LMBRD1: variants seen among roughly 807,000 people sequenced by gnomAD.
LMBRD1 encodes the protein LMBR1 domain containing 1, also known as lysosomal cobalamin transport escort protein LMBD1.
In LMBRD1, 64 loss-of-function variants were observed where a neutral mutation model predicts 74.8. The observed-to-expected ratio is 0.86, with a 90% CI of 0.70 to 1.05. The LOEUF is 1.05. Among genes scored for constraint, LMBRD1 ranks in the 50% least tolerant of loss-of-function variants. The pLI is 0.00. For synonymous variants in LMBRD1, 204 were observed against 216.3 expected (o/e 0.94, Z 0.50); for missense variants, 652 against 645.9 (o/e 1.01, Z -0.10).
intron 3 of LMBRD1, among the ~76,000 whole-genome samples, chr6:69,760,287 TATAA>T (rs1162861371): frequency 1.3e-5 from 2 of 152,192 alleles, no homozygotes; most frequent in East Asian, 3.9e-4. Flanking sequence ...CAATAATCTG[TATAA>T]ATGTCTAGAA....
intron 14 of LMBRD1, among the ~76,000 whole-genome samples, chr6:69,679,038 T>TA (rs1765605727): frequency 8.7e-6 from 1 of 114,440 alleles, no homozygotes; most frequent in African/African-American, 2.9e-5. Flanking sequence ...TCTTTCTGGT[T>TA]AAAACAAAAA....
intron 5 of LMBRD1, among the ~76,000 whole-genome samples, chr6:69,747,699 G>A (rs569728849): frequency 2.6e-5 from 4 of 152,196 alleles, no homozygotes; most frequent in African/African-American, 9.6e-5. Flanking sequence ...TAAACCTAGA[G>A]GACAGAGACC....
intron 7 of LMBRD1, among the ~76,000 whole-genome samples, chr6:69,725,641 G>A (rs1195179118): frequency 3.3e-5 from 5 of 152,054 alleles, no homozygotes; most frequent in South Asian, 2.1e-4. Flanking sequence ...AGGAAAAGAC[G>A]GCTTCTTCAA....
chr6:69,727,632 G>A (rs1221830174), intron 7 of LMBRD1, among the ~76,000 whole-genome samples: 2 of 152,100 alleles, frequency 1.3e-5, no homozygotes, highest in Non-Finnish European at 2.9e-5. Flanking sequence ...TAAAAGCCTA[G>A]ACTTCACCAC....
intron 7 of LMBRD1, among the ~76,000 whole-genome samples, chr6:69,728,360 C>T (rs187124275): frequency 6.6e-6 from 1 of 152,330 alleles, no homozygotes; most frequent in East Asian, 1.9e-4. Flanking sequence ...TAGAGACAGA[C>T]AGCCAAACCA....
Position 69,676,032 on chromosome 6 carries a change from T to C in LMBRD1, c.*126A>G, listed in dbSNP as rs1765536250. On this transcript the variant is annotated 3_prime_UTR_variant, in exon 16 of 16. Transcript: ENST00000649934. ...TCAGAAAACATATAATAAAATATAG[T>C]TGTCTTATAGCCATGCTCCCATTTT... is the stretch of plus-strand genomic sequence containing the variant. The C allele has an allele frequency of 1.4e-6, 1 of 713,260 alleles. No individual in the cohort carries two copies. The highest frequency in any genetic ancestry group is 2.5e-6 in the Non-Finnish European group (1 of 400,130). 44.2% of individuals were successfully genotyped at this position (713,260 alleles called of 1,614,324 possible). A position where few individuals can be genotyped will look rare whatever the true frequency, so the allele number is the denominator to read the frequency against.
intron 9 of LMBRD1, among the ~76,000 whole-genome samples, chr6:69,710,657 G>C (rs1318721540): frequency 6.6e-6 from 1 of 151,966 alleles, no homozygotes; most frequent in Non-Finnish European, 1.5e-5. Context: ...CCCTAATTTA[G>C]AAAATGGCCA....
chr6:69,783,163 T>C (rs111656575), intron 2 of LMBRD1, among the ~76,000 whole-genome samples: 114 of 152,154 alleles, frequency 7.5e-4, no homozygotes, highest in African/African-American at 2.7e-3. Flanking sequence ...CCAAACATAT[T>C]ATAGAAAAAA....
At chr6:69,765,441 G>A (rs1562118074) in intron 3 of LMBRD1, among the ~76,000 whole-genome samples, 1 of 151,956 alleles carries the variant, frequency 6.6e-6, no homozygotes. Flanking sequence ...TTTATTTTTG[G>A]ACTCTGAATT....
intron 5 of LMBRD1, among the ~76,000 whole-genome samples, chr6:69,743,109 T>C (rs771472792): frequency 2.8e-4 from 43 of 152,128 alleles, no homozygotes; most frequent in Non-Finnish European, 5.0e-4. Context: ...TACACATCCA[T>C]AACAGAAATA....
chr6:69,749,434 A>G (rs1207302340), intron 4 of LMBRD1, 26 bp from the exon 5 acceptor site: 1 of 1,547,516 alleles, frequency 6.5e-7, no homozygotes, highest in Non-Finnish European at 8.9e-7. Flanking sequence ...AAAAAAGTAT[A>G]ACATTTAGCA....
At chr6:69,745,547 C>A (rs1249644325) in intron 5 of LMBRD1, among the ~76,000 whole-genome samples, 1 of 152,112 alleles carries the variant, frequency 6.6e-6, no homozygotes, top group Non-Finnish European at 1.5e-5. Flanking sequence ...CGTGAGCCAC[C>A]GCGCCCGGCC....
chr6:69,737,888 TA>T (rs140172531), intron 7 of LMBRD1, 53 bp downstream of exon 7: 7 of 1,109,244 alleles, frequency 6.3e-6, no homozygotes, highest in South Asian at 1.3e-5. Context: ...ATTACTAAGG[TA>T]AAAAAATTGT....
chr6:69,705,207 T>C (rs192723880), intron 9 of LMBRD1: 1 of 587,296 alleles, frequency 1.7e-6, no homozygotes, highest in East Asian at 3.1e-5. Context: ...CTCTGCATTA[T>C]AAAAAGGACA....
Position 69,779,397 on chromosome 6 carries a change from G to A in LMBRD1, c.307+1097C>T, listed in dbSNP as rs558597436. 3.3e-5 allele frequency among the ~76,000 whole-genome samples: 5 copies of A among 151,942 alleles called. No homozygotes were observed. In the South Asian group the frequency reaches 1.0e-3, roughly 32 times the overall value. ...CATGTTTATTCAAAGAGAAAATTCT[G>A]GAAACATTTAGCTTTTGTATTATTA... On this transcript the variant is annotated intron_variant, in intron 3 of 15. Transcript: ENST00000649934.
chr6:69,779,578 G>GA (rs1280625237), intron 3 of LMBRD1, among the ~76,000 whole-genome samples: 4 of 152,000 alleles, frequency 2.6e-5, no homozygotes, highest in Admixed American at 1.3e-4. Flanking sequence ...GCAATACTTA[G>GA]AAAAAATTTT....
At chr6:69,683,520 A>ATCT (rs1765704025) in intron 14 of LMBRD1, among the ~76,000 whole-genome samples, 1 of 152,114 alleles carries the variant, frequency 6.6e-6, no homozygotes, top group Admixed American at 6.5e-5. Flanking sequence ...CTTCTTAGAA[A>ATCT]TAGTTCGATC....
intron 3 of LMBRD1, among the ~76,000 whole-genome samples, chr6:69,769,309 C>A (rs1334408737): frequency 6.6e-6 from 1 of 152,114 alleles, no homozygotes; most frequent in African/African-American, 2.4e-5. Context: ...TTTTTCACAT[C>A]AGTTACTATA....
Position 69,699,070 on chromosome 6 carries a change from C to T in LMBRD1, c.1311G>A (p.Met437Ile), listed in dbSNP as rs1299266689. 1 of 1,604,210 alleles carries T rather than the reference C, an allele frequency of 6.2e-7. No homozygotes were observed. The highest frequency in any genetic ancestry group is 1.7e-5 in the Admixed American group (1 of 59,844). Residue 437 changes from methionine to isoleucine, a missense_variant, in exon 13 of 16, where the codon ATG becomes ATA. Transcript: ENST00000649934. Reference sequence around the variant, plus strand: ...CTATTAAGTAATTTTGGCTTCCATACATAACATATTGGGGAGCAAGACTAT... The same window carrying T: ...CTATTAAGTAATTTTGGCTTCCATATATAACATATTGGGGAGCAAGACTAT... The part of the protein sequence containing the change: ...MIYSLAPQYV[M>I]YGSQNYLIET...
Sources: allele counts gnomAD v4.1 joint callset (sites outside exome capture counted in the v4.1 genomes callset), GRCh38; gene constraint gnomAD v4.1.1; transcripts MANE v1.5; gene names NCBI Gene and HGNC (gene_info 2026-07-23, HGNC 2026-07-21).